The following EML6 variants were observed in gnomAD, a reference collection of about 807,000 sequenced individuals.
The protein encoded by EML6 is echinoderm microtubule-associated protein-like 6.
A neutral mutation model predicts 240.1 loss-of-function variants in EML6; 154 were observed. That is an observed-to-expected ratio of 0.64 (90% CI 0.56 to 0.73). EML6 has a LOEUF of 0.73. EML6 is among the 30% of genes least tolerant of loss of function. EML6 has a pLI of 0.00. For missense variants in EML6, 2,964 were observed against 2,474.6 expected (o/e 1.20, Z -4.20); for synonymous variants, 1,148 against 899.0 (o/e 1.28, Z -4.95).
At chr2:54,899,995 C>A (rs541692578) in intron 22 of EML6, among the ~76,000 whole-genome samples, 1 of 152,326 alleles carries the variant, frequency 6.6e-6, no homozygotes, top group East Asian at 1.9e-4. Flanking sequence ...TTTTTCACTT[C>A]ATTTTCCTTG....
At chr2:54,822,463 C>G (rs921296728) in intron 5 of EML6, among the ~76,000 whole-genome samples, 3 of 152,178 alleles carry the variant, frequency 2.0e-5, no homozygotes, top group East Asian at 1.9e-4. Context: ...AGCAAATAAC[C>G]AAATAGAAGA....
At chr2:54,931,867 G>T (rs1490723772) in intron 28 of EML6, among the ~76,000 whole-genome samples, 1 of 152,188 alleles carries the variant, frequency 6.6e-6, no homozygotes, top group Non-Finnish European at 1.5e-5. Context: ...ACCTTGAGAT[G>T]ACTGTAGCAC....
rs1178937664 is a variant in EML6 at position 54,959,188 on chromosome 2, C to T, written c.4780C>T (p.His1594Tyr). The part of the protein sequence containing the change: ...HFLIRLVAKA[H>Y]TGPVFTMYTT... ...CCTCATCCGGCTGGTGGCCAAGGCTCACACAGGCCCCGTGTTCACAATGTA... is the reference window on the plus strand; with the variant it reads ...CCTCATCCGGCTGGTGGCCAAGGCTTACACAGGCCCCGTGTTCACAATGTA... The change falls in exon 34 of 42, where the codon CAC becomes TAC. Residue 1594 changes from histidine (H) to tyrosine (Y), a missense_variant. Transcript: ENST00000356458. 6.4e-6 allele frequency: 10 copies of T among 1,551,538 alleles called. No homozygotes were observed. In the Admixed American group the frequency reaches 9.8e-5, roughly 15 times the overall value.
intron 2 of EML6, among the ~76,000 whole-genome samples, 168 bp from the exon 3 acceptor site, chr2:54,813,064 G>C (rs1667928959): frequency 6.6e-6 from 1 of 152,184 alleles, no homozygotes. Context: ...CTGCTAAAGT[G>C]AACATTTCAA....
At chr2:54,941,336 A>T (rs1051609105) in intron 28 of EML6, among the ~76,000 whole-genome samples, 4 of 152,096 alleles carry the variant, frequency 2.6e-5, no homozygotes, top group Middle Eastern at 3.2e-3. Flanking sequence ...CGCCTTATTT[A>T]ATCAGGAGAT....
At chr2:54,776,490 G>A (rs573975062) in intron 2 of EML6, among the ~76,000 whole-genome samples, 2 of 152,040 alleles carry the variant, frequency 1.3e-5, no homozygotes, top group Non-Finnish European at 2.9e-5. Context: ...ATAGGTAGTA[G>A]GCTCATAAAA....
chr2:54,812,882 A>T (rs1293035305), intron 2 of EML6, among the ~76,000 whole-genome samples: 1 of 152,206 alleles, frequency 6.6e-6, no homozygotes, highest in African/African-American at 2.4e-5. Context: ...TCAAAAGCTA[A>T]CTTGAAAACA....
chr2:54,910,060 A>T (rs962353176), intron 24 of EML6, among the ~76,000 whole-genome samples: 5 of 152,216 alleles, frequency 3.3e-5, no homozygotes, highest in Non-Finnish European at 7.3e-5. Context: ...AATTATTTAT[A>T]GGTGAAATAT....
At chr2:54,880,734 C>T (rs1189175591) in intron 17 of EML6, 1 of 152,208 alleles carries the variant, frequency 6.6e-6, no homozygotes, top group African/African-American at 2.4e-5. Flanking sequence ...TACTCAGATT[C>T]AGCTTCTCAT....
At chr2:54,924,690 T>C (rs1010295947) in intron 26 of EML6, among the ~76,000 whole-genome samples, 1 of 152,198 alleles carries the variant, frequency 6.6e-6, no homozygotes, top group African/African-American at 2.4e-5. Flanking sequence ...GCCTCCTGAA[T>C]AGCTGGGATC....
chr2:54,755,774 C>T (rs1667694007), intron 2 of EML6, among the ~76,000 whole-genome samples: 1 of 152,144 alleles, frequency 6.6e-6, no homozygotes, highest in South Asian at 2.1e-4. Flanking sequence ...GATCCTCCCA[C>T]CTCAGCCTCT....
chr2:54,740,562 G>C (rs894631357), intron 2 of EML6, among the ~76,000 whole-genome samples: 1 of 152,146 alleles, frequency 6.6e-6, no homozygotes, highest in Non-Finnish European at 1.5e-5. Context: ...ATAGCAATAC[G>C]AATGTCCAAG....
intron 22 of EML6, among the ~76,000 whole-genome samples, chr2:54,901,881 A>G (rs1248604041): frequency 6.6e-6 from 1 of 152,198 alleles, no homozygotes; most frequent in African/African-American, 2.4e-5. Flanking sequence ...GTTTCCTTTT[A>G]GACATACCTT....
chr2:54,847,824 C>G (rs1669852680), intron 9 of EML6, among the ~76,000 whole-genome samples: 1 of 152,160 alleles, frequency 6.6e-6, no homozygotes, highest in Admixed American at 6.5e-5. Context: ...AATTTGGCAG[C>G]ACAGTCTAAC....
intron 2 of EML6, among the ~76,000 whole-genome samples, chr2:54,775,278 C>T (rs1047560961): frequency 2.6e-5 from 4 of 152,260 alleles, no homozygotes; most frequent in Non-Finnish European, 5.9e-5. Flanking sequence ...CCTGCAGGCA[C>T]TGGCCCCTAG....
intron 21 of EML6, among the ~76,000 whole-genome samples, chr2:54,898,282 T>C (rs1269377506): frequency 6.6e-6 from 1 of 152,092 alleles, no homozygotes; most frequent in Admixed American, 6.6e-5. Context: ...ATTAAGGAAA[T>C]ACAATTTTGA....
chr2:54,768,167 C>CT (rs34531064), intron 2 of EML6, among the ~76,000 whole-genome samples: 195 of 146,814 alleles, frequency 1.3e-3, no homozygotes, highest in East Asian at 0.011. Context: ...ATCAGAAAAA[C>CT]TTTTTTTTTT....
At chr2:54,915,739 G>A (rs988571998) in intron 25 of EML6, among the ~76,000 whole-genome samples, 3 of 152,044 alleles carry the variant, frequency 2.0e-5, no homozygotes, top group Non-Finnish European at 2.9e-5. Flanking sequence ...ACAACAAGCA[G>A]AAATTAGGCA....
intron 16 of EML6, among the ~76,000 whole-genome samples, chr2:54,879,292 T>G (rs569567601): frequency 6.6e-6 from 1 of 152,370 alleles, no homozygotes; most frequent in South Asian, 2.1e-4. Flanking sequence ...TCTCTAGTCA[T>G]GCATTTCATT....
Sources: gnomAD v4.1 joint callset for allele counts (sites outside exome capture counted in the v4.1 genomes callset) on GRCh38, gnomAD v4.1.1 for gene constraint, MANE v1.5 for transcripts, NCBI Gene and HGNC (gene_info 2026-07-23, HGNC 2026-07-21) for gene names.